The following NWD1 variants were observed in gnomAD, a reference collection of about 807,000 sequenced individuals.
NWD1 encodes NACHT and WD repeat domain containing 1, also known as NACHT domain- and WD repeat-containing protein 1.
Under a neutral mutation model 135.1 loss-of-function variants are expected in NWD1, and 129 were observed. That is an observed-to-expected ratio of 0.96 (90% CI 0.83 to 1.11). The LOEUF (loss-of-function observed/expected upper bound fraction) is 1.11, where lower values mean the gene tolerates loss of function less well. Ranked by LOEUF, NWD1 falls within the 50% of genes least tolerant of loss-of-function variation. The probability of loss-of-function intolerance (pLI) is 0.00; values close to 1 mark genes in which losing one functional copy is unlikely to be tolerated. For missense variants in NWD1, 1,740 were observed against 1,851.3 expected, an observed-to-expected ratio of 0.94 and a Z score of 1.10; for synonymous variants, 773 against 786.0, an observed-to-expected ratio of 0.98 and a Z score of 0.28.
intron 3 of NWD1, among the ~76,000 whole-genome samples, chr19:16,732,677 T>TAAA (rs1464805489): frequency 3.2e-4 from 27 of 85,154 alleles, no homozygotes; most frequent in African/African-American, 5.6e-4. Context: ...AAAGAAAAAG[T>TAAA]GAAAAAGTGC....
At chr19:16,739,442 A>G (rs1210850775) in intron 4 of NWD1, among the ~76,000 whole-genome samples, 1 of 152,110 alleles carries the variant, frequency 6.6e-6, no homozygotes, top group Non-Finnish European at 1.5e-5. Context: ...GCAGGCAGCC[A>G]AAAGCACAGT....
rs1035943481 is a variant in NWD1 at position 16,807,865 on chromosome 19, C to T, written c.4016C>T (p.Pro1339Leu). The T allele has an allele frequency of 6.2e-7, 1 of 1,614,200 alleles. No homozygotes were observed. The highest frequency in any genetic ancestry group is 1.1e-5 in the South Asian group (1 of 91,086). The change falls in exon 18 of 19, where the codon CCA becomes CTA. Residue 1339 changes from proline (P) to leucine (L), a missense_variant. Transcript: ENST00000524140. ...SGDPCPVIDG[P>L]RYTFYTQLPE... ...GACCCCTGCCCGGTCATCGATGGGC[C>T]AAGATACACCTTTTACACTCAGCTG...
chr19:16,768,964 C>T (rs991410150), intron 10 of NWD1, among the ~76,000 whole-genome samples: 1 of 152,140 alleles, frequency 6.6e-6, no homozygotes, highest in African/African-American at 2.4e-5. Context: ...CTCCAGACAG[C>T]ATCCTCGGAG....
At chr19:16,784,861 GGAGGTTGCAGTGAGCC>G (rs148074525) in intron 12 of NWD1, among the ~76,000 whole-genome samples, 6,987 of 151,894 alleles carry the variant, frequency 0.046, 521 homozygotes, top group African/African-American at 0.16. Context: ...CCCGGGGGGC[GGAGGTTGCAGTGAGCC>G]GAGATCGCGC....
intron 17 of NWD1, among the ~76,000 whole-genome samples, chr19:16,804,454 GCTTGGTGGTACATGC>G (rs1208668782): frequency 6.6e-6 from 1 of 151,900 alleles, no homozygotes; most frequent in Non-Finnish European, 1.5e-5. Context: ...AAGGTATCGG[GCTTGGTGGTACATGC>G]CTGTAGTCCT....
chr19:16,811,600 A>G (rs1263136034), intron 18 of NWD1, among the ~76,000 whole-genome samples: 1 of 151,322 alleles, frequency 6.6e-6, no homozygotes, highest in African/African-American at 2.4e-5. Flanking sequence ...AAAAAAAAAA[A>G]GAAAGAAAGA....
rs1276080509 is a variant in NWD1 at position 16,744,693 on chromosome 19, G to A, written c.471G>A (p.Glu157=). ...GGAGGCTGGGGCTCATCACCCAGGA[G>A]CAGTGGCAGCACTACCACCGGTCAG... The part of the protein sequence containing the change: ...EARRLGLITQ[E]QWQHYHRSVI... Residue 157 remains glutamate, a synonymous_variant, in exon 5 of 19, where the codon GAG becomes GAA. Transcript: ENST00000524140. The A allele has an allele frequency of 2.0e-6, 3 of 1,535,878 alleles. No homozygotes were observed. Among genetic ancestry groups the A allele is most frequent in the East Asian group, 2.4e-5 (1 of 40,912 alleles).
intron 2 of NWD1, among the ~76,000 whole-genome samples, chr19:16,727,919 G>A (rs1198533388): frequency 9.9e-5 from 15 of 152,138 alleles, no homozygotes; most frequent in Non-Finnish European, 1.8e-4. Context: ...AAAATTAGCT[G>A]GGCGTAGTGG....
chr19:16,767,601 G>A (rs957220084), intron 10 of NWD1, among the ~76,000 whole-genome samples: 3 of 152,076 alleles, frequency 2.0e-5, no homozygotes, highest in South Asian at 2.1e-4. Context: ...GTGACAGAGT[G>A]AGACTGTGTC....
chr19:16,743,369 C>G (rs1380583122), intron 4 of NWD1, among the ~76,000 whole-genome samples: 1 of 152,114 alleles, frequency 6.6e-6, no homozygotes, highest in African/African-American at 2.4e-5. Flanking sequence ...CACCCCCACA[C>G]CCTGATAATT....
chr19:16,791,394 C>T lies in NWD1; in HGVS notation c.2985C>T (p.Ile995=), dbSNP rs1484038442. 2.5e-6 allele frequency: 4 copies of T among 1,613,916 alleles called. No homozygotes were observed. Among genetic ancestry groups the T allele is most frequent in the East Asian group, 4.5e-5 (2 of 44,892 alleles). The change falls in exon 14 of 19, where the codon ATC becomes ATT. Residue 995 remains isoleucine (I), a synonymous_variant. Transcript: ENST00000524140. The stretch of plus-strand genomic sequence containing the variant: ...AAACTGCAGAGCCGGTATTCCATAT[C>T]CTGGGAGATGCCTCTGATCCTTGGA... ...NLETAEPVFH[I]LGDASDPWMC... is the part of the protein sequence containing the mutation.
At chr19:16,799,008 A>G (rs901604966) in intron 16 of NWD1, among the ~76,000 whole-genome samples, 14 of 151,856 alleles carry the variant, frequency 9.2e-5, no homozygotes, top group African/African-American at 3.4e-4. Context: ...GGCACCCTCT[A>G]AAAAAGGTTT....
intron 12 of NWD1, among the ~76,000 whole-genome samples, chr19:16,782,898 ATCCTTCCTTCCTTCTTTCCTTCCTT>A (rs144709772): frequency 0.18 from 23,477 of 133,396 alleles, 4,177 homozygotes; most frequent in African/African-American, 0.48. Flanking sequence ...TTCTTTTTCC[ATCCTTCCTTCCTTCTTTCCTTCCTT>A]TCCTTCCTTC....
At chr19:16,763,167 C>G (rs1969086212) in intron 8 of NWD1, among the ~76,000 whole-genome samples, 1 of 152,000 alleles carries the variant, frequency 6.6e-6, no homozygotes, top group Non-Finnish European at 1.5e-5. Flanking sequence ...TCCCTGCAGA[C>G]TCAGCTTCAT....
chr19:16,738,120 A>AC (rs1250790896), intron 4 of NWD1: 134 of 368,910 alleles, frequency 3.6e-4, no homozygotes, highest in African/African-American at 1.7e-3. Context: ...ACTTGTTTAC[A>AC]CATTGTTTAG....
chr19:16,776,393 C>A (rs1403314842), intron 11 of NWD1, among the ~76,000 whole-genome samples: 2 of 151,738 alleles, frequency 1.3e-5, no homozygotes, highest in Non-Finnish European at 2.9e-5. Flanking sequence ...CATGGTGAAA[C>A]CCTGTCTCTA....
rs772122055 is a variant in NWD1, at chr19:16,765,076, T to C, written c.2294T>C (p.Ile765Thr). Residue 765 changes from isoleucine (I) to threonine (T), a missense_variant, in exon 10 of 19, where the codon ATT (isoleucine) becomes ACT (threonine). By Grantham distance (89) the Ile-to-Thr change is moderately conservative (BLOSUM62 -1). Coordinates refer to ENST00000524140, the MANE Select transcript of NWD1 (RefSeq NM_001007525.5). Reference sequence around the variant, plus strand: ...TCCTGCCGGGGCATCTCTGGGGGCATTGAAGACCTGCTGGATGACTTTGAC... The same window carrying C: ...TCCTGCCGGGGCATCTCTGGGGGCACTGAAGACCTGCTGGATGACTTTGAC... ...WISCRGISGGIEDLLDDFDLC... is the reference protein window; with the variant it reads ...WISCRGISGGTEDLLDDFDLC... The C allele has an allele frequency of 2.5e-6, 4 of 1,614,024 alleles. No individual in the cohort carries two copies. Among genetic ancestry groups the C allele is most frequent in the African/African-American group, 2.7e-5 (2 of 74,900 alleles).
Position 16,750,304 on chromosome 19 carries a change from G to A in NWD1, c.1662G>A (p.Pro554=), listed in dbSNP as rs141043101. The A allele has an allele frequency of 1.1e-5, 17 of 1,613,298 alleles. No homozygotes were observed. In the South Asian group the frequency reaches 1.4e-4, roughly 14 times the overall value. Reference sequence around the variant, plus strand: ...GGGCCTCTTTCACCGTGCCTGTCCCGCTGGCCACCACCGCAGAGGAAGCCA... The same window carrying A: ...GGGCCTCTTTCACCGTGCCTGTCCCACTGGCCACCACCGCAGAGGAAGCCA... ...RKWASFTVPV[P]LATTAEEATH... Residue 554 remains proline, a synonymous_variant, in exon 6 of 19, where the codon CCG becomes CCA. Coordinates refer to ENST00000524140, the MANE Select transcript of NWD1 (RefSeq NM_001007525.5).
Position 16,749,556 on chromosome 19 carries a change from G to A in NWD1, c.914G>A (p.Ser305Asn). 2.5e-6 allele frequency: 4 copies of A among 1,613,278 alleles called. No individual in the cohort carries two copies. The highest frequency in any genetic ancestry group is 3.4e-6 in the Non-Finnish European group (4 of 1,179,328). ...YQEIRHHLWQ[S>N]SEVIQTFCGR... ...GAGATCCGCCACCACCTTTGGCAGA[G>A]CTCGGAGGTCATTCAGACCTTCTGC... is the stretch of plus-strand genomic sequence containing the variant. Residue 305 changes from serine (S) to asparagine (N), a missense_variant, in exon 6 of 19, where the codon AGC becomes AAC. Transcript: ENST00000524140.
Sources: gnomAD v4.1 joint callset for allele counts (sites outside exome capture counted in the v4.1 genomes callset) on GRCh38, gnomAD v4.1.1 for gene constraint, MANE v1.5 for transcripts, NCBI Gene and HGNC (gene_info 2026-07-23, HGNC 2026-07-21) for gene names.